The following ARHGAP23 variants were observed in gnomAD, a reference collection of about 807,000 sequenced individuals.
ARHGAP23 encodes Rho GTPase activating protein 23.
ARHGAP23 carries 34 observed loss-of-function variants against 136.3 expected under a neutral mutation model. The ratio of observed to expected loss-of-function variants is 0.25; its 90% confidence interval spans 0.19 to 0.33. ARHGAP23 has a LOEUF of 0.33. Ranked by LOEUF, ARHGAP23 falls within the 10% of genes least tolerant of loss-of-function variation. The probability of loss-of-function intolerance (pLI) is 1.00; values close to 1 mark genes in which losing one functional copy is unlikely to be tolerated. For missense variants in ARHGAP23, 1,808 were observed against 2,139.0 expected, an observed-to-expected ratio of 0.85 and a Z score of 3.05; for synonymous variants, 832 against 920.5, an observed-to-expected ratio of 0.90 and a Z score of 1.74.
intron 2 of ARHGAP23, 131 bp downstream of exon 2, chr17:38,458,394 C>T (rs1240027418): frequency 1.6e-6 from 2 of 1,268,812 alleles, no homozygotes; most frequent in Non-Finnish European, 2.1e-6. Flanking sequence ...CGGCCTGACT[C>T]CCTTCTGCTG....
chr17:38,498,066 G>C (rs989072319), intron 21 of ARHGAP23, among the ~76,000 whole-genome samples: 12 of 146,402 alleles, frequency 8.2e-5, no homozygotes, highest in African/African-American at 3.0e-4. Context: ...CTTGCTCAGA[G>C]GGAACCCAGT....
At chr17:38,492,015 G>A (rs1309939348) in intron 20 of ARHGAP23, among the ~76,000 whole-genome samples, 2 of 152,226 alleles carry the variant, frequency 1.3e-5, no homozygotes, top group Admixed American at 6.5e-5. Flanking sequence ...TGGTAACAAG[G>A]GGTGGATGGG....
chr17:38,490,293 T>TCCA, intron 18 of ARHGAP23, 118 bp downstream of exon 18: 1 of 1,187,854 alleles, frequency 8.4e-7, no homozygotes, highest in Admixed American at 2.0e-5. Flanking sequence ...GAAGCCCCGC[T>TCCA]CCACTCAGGG....
chr17:38,432,628 A>G (rs978529327), intron 1 of ARHGAP23, among the ~76,000 whole-genome samples: 6 of 152,008 alleles, frequency 3.9e-5, no homozygotes, highest in African/African-American at 1.2e-4. Flanking sequence ...GCAATGAGCC[A>G]AGATCACGCC....
upstream of ARHGAP23, among the ~76,000 whole-genome samples, chr17:38,425,472 T>C (rs934127979): frequency 6.6e-6 from 1 of 152,144 alleles, no homozygotes; most frequent in African/African-American, 2.4e-5. Context: ...CCCAGGCCCC[T>C]CAAGGGAAGG....
intron 16 of ARHGAP23, among the ~76,000 whole-genome samples, chr17:38,485,131 C>T (rs1216720167): frequency 1.3e-5 from 2 of 152,084 alleles, no homozygotes; most frequent in African/African-American, 4.8e-5. Flanking sequence ...TAGGGTTTCT[C>T]AATCTCAGTG....
At chr17:38,448,932 C>T (rs962116882) in intron 1 of ARHGAP23, among the ~76,000 whole-genome samples, 2 of 150,868 alleles carry the variant, frequency 1.3e-5, no homozygotes, top group African/African-American at 4.9e-5. Context: ...ATCCTCCCCA[C>T]CTCAGCCTCC....
chr17:38,460,777 C>T lies in ARHGAP23; in HGVS notation c.226-128C>T, dbSNP rs970904694. On this transcript the variant is annotated intron_variant, in intron 2 of 23. Coordinates refer to ENST00000622683, the MANE Select transcript of ARHGAP23 (RefSeq NM_001199417.2). The stretch of plus-strand genomic sequence containing the variant: ...TCGGACACCCCTCCCGCACCCTCCC[C>T]TGCTGGGCTACTTGGGAGGAGATAA... 66 of 1,528,500 alleles carry T rather than the reference C, an allele frequency of 4.3e-5. No individual in the cohort carries two copies. The South Asian group carries it at 7.1e-4, about 16-fold the overall frequency. 94.7% of individuals were successfully genotyped at this position (1,528,500 alleles called of 1,614,324 possible). A position where few individuals can be genotyped will look rare whatever the true frequency, so the allele number is the denominator to read the frequency against.
intron 1 of ARHGAP23, among the ~76,000 whole-genome samples, chr17:38,443,089 C>G (rs1432523842): frequency 1.3e-5 from 2 of 152,178 alleles, no homozygotes; most frequent in Admixed American, 1.3e-4. Context: ...ATCTTGAGGT[C>G]ACACAGCCAG....
intron 20 of ARHGAP23, among the ~76,000 whole-genome samples, chr17:38,496,816 G>C (rs1176197936): frequency 6.6e-6 from 1 of 152,144 alleles, no homozygotes; most frequent in East Asian, 1.9e-4. Flanking sequence ...ATCCAGGCGT[G>C]ATGGCGTGCA....
Position 38,466,433 on chromosome 17 carries a change from C to T in ARHGAP23, c.750C>T (p.Pro250=). ...LDNSSLGMSQ[P]RPSPGAFPHL... is the part of the protein sequence containing the mutation. ...ACTCTTCCTTGGGGATGAGCCAGCC[C>T]CGCCCCAGCCCTGGTGCCTTCCCCC... is the stretch of plus-strand genomic sequence containing the variant. Residue 250 remains proline, a synonymous_variant, in exon 7 of 24, where the codon CCC becomes CCT. Transcript: ENST00000622683. 5.2e-6 allele frequency: 8 copies of T among 1,526,954 alleles called. No individual in the cohort carries two copies. The highest frequency in any genetic ancestry group is 7.0e-6 in the Non-Finnish European group (8 of 1,139,474). The allele number at this position is 1,526,954 out of a possible 1,614,324, so 94.6% of individuals were successfully genotyped here.
At chr17:38,424,095 C>A (rs576868314), upstream of ARHGAP23, among the ~76,000 whole-genome samples, 1 of 152,040 alleles carries the variant, frequency 6.6e-6, no homozygotes, top group Non-Finnish European at 1.5e-5. Flanking sequence ...GGGGCTGGGG[C>A]GCAGGGAGGG....
Position 38,510,979 on chromosome 17 carries a change from C to A in ARHGAP23, c.*7C>A. The A allele has an allele frequency of 7.0e-7, 1 of 1,421,022 alleles. No homozygotes were observed. The highest frequency in any genetic ancestry group is 3.0e-5 in the East Asian group (1 of 33,532). 88.0% of individuals were successfully genotyped at this position (1,421,022 alleles called of 1,614,324 possible). On this transcript the variant is annotated 3_prime_UTR_variant, in exon 24 of 24. Transcript: ENST00000622683. The surrounding 1 kb of genome is among the most constrained non-coding windows in gnomAD (Gnocchi z 4.6). ...CCTGCATCAGTGTCTGTGATCCCCA[C>A]CTCCCGCGCCGCTCGGGCGCCACCC...
At chr17:38,499,534 T>A (rs1307725842) in intron 22 of ARHGAP23, among the ~76,000 whole-genome samples, 3 of 152,130 alleles carry the variant, frequency 2.0e-5, no homozygotes, top group Admixed American at 1.3e-4. Flanking sequence ...TCCCTTTAGT[T>A]TTAGCATTTC....
chr17:38,454,775 T>A (rs2039285295), intron 1 of ARHGAP23, among the ~76,000 whole-genome samples: 1 of 152,120 alleles, frequency 6.6e-6, no homozygotes, highest in Non-Finnish European at 1.5e-5. Flanking sequence ...ATGACCTCTT[T>A]ATGCTCCCGG....
chr17:38,511,075 A>G lies in ARHGAP23; in HGVS notation c.*103A>G. ...CTCCTCTTCTGTGGCCCCTGGGTGCATGGTGTGGGTGGAGGGCGCAGCAGG... is the reference window on the plus strand; with the variant it reads ...CTCCTCTTCTGTGGCCCCTGGGTGCGTGGTGTGGGTGGAGGGCGCAGCAGG... On this transcript the variant is annotated 3_prime_UTR_variant, in exon 24 of 24. Coordinates refer to ENST00000622683, the MANE Select transcript of ARHGAP23 (RefSeq NM_001199417.2). 1 of 1,225,468 alleles carries G rather than the reference A, an allele frequency of 8.2e-7. No individual in the cohort carries two copies. The highest frequency in any genetic ancestry group is 1.9e-5 in the South Asian group (1 of 53,586). 75.9% of individuals were successfully genotyped at this position (1,225,468 alleles called of 1,614,324 possible). A position where few individuals can be genotyped will look rare whatever the true frequency, so the allele number is the denominator to read the frequency against.
At chr17:38,446,803 T>A (rs2039045585) in intron 1 of ARHGAP23, among the ~76,000 whole-genome samples, 1 of 152,046 alleles carries the variant, frequency 6.6e-6, no homozygotes, top group Non-Finnish European at 1.5e-5. Context: ...TTTTATTTAT[T>A]TATTTTTTAT....
chr17:38,442,829 C>T (rs1390782976), intron 1 of ARHGAP23, among the ~76,000 whole-genome samples: 2 of 152,072 alleles, frequency 1.3e-5, no homozygotes, highest in Non-Finnish European at 2.9e-5. Context: ...GCCTGGTGGT[C>T]ATAATATTAA....
Position 38,477,652 on chromosome 17 carries a change from A to G in ARHGAP23, c.2192A>G (p.Lys731Arg). The change falls in exon 12 of 24, where the codon AAG becomes AGG. Residue 731 changes from lysine (K) to arginine (R), a missense_variant. Lys to Arg is a conservative substitution (Grantham distance 26, BLOSUM62 2). This residue lies in a region of ARHGAP23 where 139 missense variants were observed against 264.3 expected (regional missense o/e 0.53). Coordinates refer to ENST00000622683, the MANE Select transcript of ARHGAP23 (RefSeq NM_001199417.2). This position sits in a 1 kb window ranked among gnomAD's most constrained non-coding sequence, Gnocchi z 6.6. ...ALRARSLSLS[K>R]ERREPGPAAA... ...CGGGCGCGCTCGCTCTCGCTGAGCA[A>G]GGAGCGGCGGGAGCCCGGGCCGGCG... The G allele has an allele frequency of 1.6e-6, 2 of 1,274,434 alleles. No homozygotes were observed. Among genetic ancestry groups the G allele is most frequent in the Non-Finnish European group, 2.0e-6 (2 of 1,004,576 alleles). 78.9% of individuals were successfully genotyped at this position (1,274,434 alleles called of 1,614,324 possible). A position where few individuals can be genotyped will look rare whatever the true frequency, so the allele number is the denominator to read the frequency against.
Sources: gnomAD v4.1 joint callset for allele counts (sites outside exome capture counted in the v4.1 genomes callset) on GRCh38, gnomAD v4.1.1 for gene constraint, gnomAD v4.1.1 regional missense constraint, Gnocchi (gnomAD v3.1) non-coding constraint, MANE v1.5 for transcripts, NCBI Gene and HGNC (gene_info 2026-07-23, HGNC 2026-07-21) for gene names.